PTPRG: variants seen among roughly 807,000 people sequenced by gnomAD.
PTPRG encodes the protein protein tyrosine phosphatase receptor type G, also known as receptor-type tyrosine-protein phosphatase gamma.
A neutral mutation model predicts 165.3 loss-of-function variants in PTPRG; 102 were observed. The observed-to-expected ratio is 0.62, with a 90% CI of 0.53 to 0.73. PTPRG has a LOEUF of 0.73. PTPRG is among the 30% of genes least tolerant of loss of function. The pLI, the probability that PTPRG is intolerant of heterozygous loss-of-function variation, is 0.00. For synonymous variants in PTPRG, 675 were observed against 669.5 expected (o/e 1.01, Z -0.13); for missense variants, 1,866 against 1,861.4 (o/e 1.00, Z -0.05).
chr3:62,196,190 G>C (rs143820820), intron 10 of PTPRG, among the ~76,000 whole-genome samples: 1 of 146,824 alleles, frequency 6.8e-6, no homozygotes, highest in African/African-American at 2.5e-5. Flanking sequence ...AGATCAGTTC[G>C]AGACCAGCCT....
At chr3:61,972,615 T>TCCCTC (rs1315907368) in intron 2 of PTPRG, among the ~76,000 whole-genome samples, 3 of 151,618 alleles carry the variant, frequency 2.0e-5, no homozygotes, top group Non-Finnish European at 4.4e-5. Flanking sequence ...ATCTCTTTCT[T>TCCCTC]CCCTCCCCTC....
At chr3:62,030,510 TAGTC>T (rs1167815534) in intron 4 of PTPRG, among the ~76,000 whole-genome samples, 1 of 152,210 alleles carries the variant, frequency 6.6e-6, no homozygotes, top group East Asian at 1.9e-4. Context: ...AAATCGGCAT[TAGTC>T]AGCTTGGGCA....
chr3:61,706,275 C>G (rs561356758), intron 1 of PTPRG, among the ~76,000 whole-genome samples: 1 of 151,982 alleles, frequency 6.6e-6, no homozygotes, highest in Admixed American at 6.5e-5. Flanking sequence ...AGTAAGTGCC[C>G]AATGTGAGCT....
chr3:61,977,759 T>C (rs972639518), intron 2 of PTPRG, among the ~76,000 whole-genome samples: 2 of 152,228 alleles, frequency 1.3e-5, no homozygotes, highest in African/African-American at 2.4e-5. Context: ...CCTCTCCCTG[T>C]GTTAATGTTA....
At chr3:62,234,185 C>T (rs1274165871) in intron 14 of PTPRG, among the ~76,000 whole-genome samples, 1 of 152,200 alleles carries the variant, frequency 6.6e-6, no homozygotes, top group African/African-American at 2.4e-5. Flanking sequence ...TACACAGAAG[C>T]ATGGTATTCC....
chr3:61,715,508 C>T (rs1017504839), intron 1 of PTPRG, among the ~76,000 whole-genome samples: 5 of 152,110 alleles, frequency 3.3e-5, no homozygotes, highest in East Asian at 3.9e-4. Context: ...TGTGAGCCAC[C>T]GCGTCTGGCC....
chr3:62,209,773 T>C (rs970313106), intron 12 of PTPRG, among the ~76,000 whole-genome samples: 1 of 152,218 alleles, frequency 6.6e-6, no homozygotes, highest in Non-Finnish European at 1.5e-5. Flanking sequence ...CCTTGGAGTT[T>C]CTATTGCCCA....
chr3:61,833,613 A>G (rs2036371834), intron 2 of PTPRG, among the ~76,000 whole-genome samples: 1 of 151,790 alleles, frequency 6.6e-6, no homozygotes, highest in African/African-American at 2.4e-5. Context: ...CCCAGGCTGG[A>G]GTGCAGTGGT....
intron 1 of PTPRG, among the ~76,000 whole-genome samples, chr3:61,603,854 C>T (rs1700929482): frequency 6.6e-6 from 1 of 152,166 alleles, no homozygotes; most frequent in Non-Finnish European, 1.5e-5. Flanking sequence ...CCATCAGTGT[C>T]TCTCTCCCCT....
chr3:61,714,266 C>A (rs559592698), intron 1 of PTPRG, among the ~76,000 whole-genome samples: 201 of 152,006 alleles, frequency 1.3e-3, no homozygotes, highest in African/African-American at 4.7e-3. Flanking sequence ...TAATAGAAGC[C>A]CTGTTTTTCT....
chr3:62,243,545 T>G, intron 14 of PTPRG: 1 of 290,594 alleles, frequency 3.4e-6, no homozygotes, highest in South Asian at 7.8e-5. Flanking sequence ...TTTCACGTAT[T>G]TGAGTAGTTA....
At chr3:61,999,375 C>T (rs13098654) in intron 3 of PTPRG, among the ~76,000 whole-genome samples, 5 of 152,236 alleles carry the variant, frequency 3.3e-5, no homozygotes, top group African/African-American at 1.2e-4. Flanking sequence ...GTGCACTAAT[C>T]CCATTCACGA....
intron 4 of PTPRG, among the ~76,000 whole-genome samples, chr3:62,076,126 T>C (rs1701373968): frequency 6.6e-6 from 1 of 151,890 alleles, no homozygotes. Context: ...TGTATATATA[T>C]ATGTATAAAA....
At chr3:61,762,852 G>T (rs1178983207) in intron 2 of PTPRG, among the ~76,000 whole-genome samples, 1 of 151,964 alleles carries the variant, frequency 6.6e-6, no homozygotes, top group Non-Finnish European at 1.5e-5. Context: ...CATCTTTAAG[G>T]TACACCCCAT....
chr3:61,863,086 A>G (rs1325986879), intron 2 of PTPRG, among the ~76,000 whole-genome samples: 3 of 152,198 alleles, frequency 2.0e-5, no homozygotes, highest in African/African-American at 7.2e-5. Context: ...GTTGTCTTGA[A>G]TGCACTGCAC....
chr3:62,089,626 T>G (rs1223547801), intron 5 of PTPRG, among the ~76,000 whole-genome samples: 1 of 152,232 alleles, frequency 6.6e-6, no homozygotes, highest in Non-Finnish European at 1.5e-5. Flanking sequence ...GAGAAAATTT[T>G]TAGCATCAAA....
intron 2 of PTPRG, among the ~76,000 whole-genome samples, chr3:61,858,054 T>C (rs1456914303): frequency 2.0e-5 from 3 of 152,214 alleles, no homozygotes; most frequent in African/African-American, 7.2e-5. Flanking sequence ...AACTGATACA[T>C]GTTTTCAATG....
chr3:61,775,993 G>T (rs995061572), intron 2 of PTPRG, among the ~76,000 whole-genome samples: 17 of 151,518 alleles, frequency 1.1e-4, no homozygotes, highest in African/African-American at 4.1e-4. Flanking sequence ...CGAGTTAATG[G>T]GTGCAGCACA....
At chr3:61,822,220 A>G (rs2035976447) in intron 2 of PTPRG, among the ~76,000 whole-genome samples, 1 of 152,128 alleles carries the variant, frequency 6.6e-6, no homozygotes, top group Non-Finnish European at 1.5e-5. Context: ...TCTGTTTTTA[A>G]TTGTTCAGCT....
Sources: allele counts gnomAD v4.1 joint callset (sites outside exome capture counted in the v4.1 genomes callset), GRCh38; gene constraint gnomAD v4.1.1; transcripts MANE v1.5; gene names NCBI Gene and HGNC (gene_info 2026-07-23, HGNC 2026-07-21).